The following KIF11 variants were observed in gnomAD, a reference collection of about 807,000 sequenced individuals.
The protein encoded by KIF11 is kinesin-like protein KIF11.
Under a neutral mutation model 121.0 loss-of-function variants are expected in KIF11, and 9 were observed. That is an observed-to-expected ratio of 0.07 (90% CI 0.04 to 0.13). The LOEUF (loss-of-function observed/expected upper bound fraction) is 0.13. Among genes scored for constraint, KIF11 ranks in the 10% least tolerant of loss-of-function variants. The probability of loss-of-function intolerance (pLI) is 1.00; values close to 1 mark genes in which losing one functional copy is unlikely to be tolerated. For missense variants in KIF11, 846 were observed against 1,217.5 expected, an observed-to-expected ratio of 0.69 and a Z score of 4.54; for synonymous variants, 408 against 421.0, an observed-to-expected ratio of 0.97 and a Z score of 0.38.
chr10:92,600,690 A>G (rs1445810989), intron 1 of KIF11, among the ~76,000 whole-genome samples: 2 of 151,690 alleles, frequency 1.3e-5, no homozygotes, highest in Admixed American at 1.3e-4. Context: ...TAGTTTTAGT[A>G]GAGACAGGGT....
At position 92,639,918 on chromosome 10, in the gene KIF11, T is replaced by C. The variant is rs767376869; in HGVS notation, c.2267+18T>C. ...ATACAGCAGTAAGCTATTTTTAAAT[T>C]CTCTTAAACTTTTCTGTAAGTCTGA... is the stretch of plus-strand genomic sequence containing the variant. On this transcript the variant is annotated intron_variant, in intron 17 of 21. Transcript: ENST00000260731. The C allele has an allele frequency of 1.5e-6, 2 of 1,309,558 alleles. No homozygotes were observed. Among genetic ancestry groups the C allele is most frequent in the South Asian group, 2.5e-5 (2 of 79,876 alleles). 81.1% of individuals were successfully genotyped at this position (1,309,558 alleles called of 1,614,324 possible). A position where few individuals can be genotyped will look rare whatever the true frequency, so the allele number is the denominator to read the frequency against.
In KIF11 at chr10:92,653,869, C is replaced by T. The variant is rs756498565; in HGVS notation, c.*73C>T. ...AAACCTGAAACCCCAGAACTTGAGC[C>T]TTGTGTATAGATTTTAAAAGAATAT... is the stretch of plus-strand genomic sequence containing the variant. On this transcript the variant is annotated 3_prime_UTR_variant, in exon 22 of 22. Coordinates refer to ENST00000260731, the MANE Select transcript of KIF11 (RefSeq NM_004523.4). The T allele has an allele frequency of 8.9e-6, 12 of 1,351,856 alleles. No homozygotes were observed. The highest frequency in any genetic ancestry group is 1.2e-5 in the Non-Finnish European group (12 of 972,598). The allele number at this position is 1,351,856 out of a possible 1,614,324, so 83.7% of individuals were successfully genotyped here.
rs151285153 is a variant in KIF11, at chr10:92,613,681, A to G, written c.1032+62A>G. The G allele has an allele frequency of 1.7e-3, 2,498 of 1,487,098 alleles. 4 individuals are homozygous for G. Among genetic ancestry groups the G allele is most frequent in the Non-Finnish European group, 2.1e-3 (2,343 of 1,102,304 alleles). The allele number at this position is 1,487,098 out of a possible 1,614,324, so 92.1% of individuals were successfully genotyped here. Reference sequence around the variant, plus strand: ...TGTAATTCTTATTTGGCTATTATATATTTTAAAAGTTCATTTACTAGGATG... The same window carrying G: ...TGTAATTCTTATTTGGCTATTATATGTTTTAAAAGTTCATTTACTAGGATG... On this transcript the variant is annotated intron_variant, in intron 8 of 21. Coordinates refer to ENST00000260731, the MANE Select transcript of KIF11 (RefSeq NM_004523.4). This position sits in a 1 kb window ranked among gnomAD's most constrained non-coding sequence, Gnocchi z 4.2.
At position 92,632,649 on chromosome 10, in the gene KIF11, G is replaced by C; in HGVS notation, c.1658G>C (p.Ser553Thr). ...NNMEELIKDGSSKQKAMLEVH... is the reference protein window; with the variant it reads ...NNMEELIKDGTSKQKAMLEVH... ...ATGGAAGAATTAATTAAGGATGGCA[G>C]CTCAAAGCAAAAGGCCATGCTAGAA... The change falls in exon 13 of 22, where the codon AGC becomes ACC. Residue 553 changes from serine to threonine, a missense_variant. This residue lies in a region of KIF11 where 492 missense variants were observed against 603.4 expected (regional missense o/e 0.82). Coordinates refer to ENST00000260731, the MANE Select transcript of KIF11 (RefSeq NM_004523.4). 1 of 1,612,894 alleles carries C rather than the reference G, an allele frequency of 6.2e-7. No homozygotes were observed. Among genetic ancestry groups the C allele is most frequent in the Non-Finnish European group, 8.5e-7 (1 of 1,179,504 alleles).
At chr10:92,652,713 T>C (rs1022694319) in intron 21 of KIF11, among the ~76,000 whole-genome samples, 2 of 152,374 alleles carry the variant, frequency 1.3e-5, no homozygotes, top group Non-Finnish European at 2.9e-5. Context: ...GACTACTTAA[T>C]CCCTGGTCAG....
chr10:92,653,770 C>T lies in KIF11; in HGVS notation c.3145C>T (p.Pro1049Ser). The T allele has an allele frequency of 1.2e-6, 2 of 1,613,856 alleles. No homozygotes were observed. The highest frequency in any genetic ancestry group is 1.3e-5 in the African/African-American group (1 of 75,026). ...TEHLVTKSRL[P>S]LRAQINL ...GCACTTGGTTACAAAGAGCAGATTA[C>T]CTCTGCGAGCCCAGATCAACCTTTA... Residue 1049 changes from proline to serine, a missense_variant, in exon 22 of 22, where the codon CCT becomes TCT. Pro to Ser is a moderately conservative substitution (Grantham distance 74, BLOSUM62 -1). This residue lies in a region of KIF11 where 492 missense variants were observed against 603.4 expected (regional missense o/e 0.82). Coordinates refer to ENST00000260731, the MANE Select transcript of KIF11 (RefSeq NM_004523.4).
chr10:92,598,870 C>T (rs1316484107), intron 1 of KIF11, among the ~76,000 whole-genome samples: 8 of 152,088 alleles, frequency 5.3e-5, no homozygotes, highest in Admixed American at 6.6e-5. Context: ...CTCCACCTCC[C>T]GAGTTCAAGT....
Position 92,630,062 on chromosome 10 carries a change from C to G in KIF11, c.1306-114C>G, listed in dbSNP as rs1293998116. On this transcript the variant is annotated intron_variant, in intron 11 of 21. Transcript: ENST00000260731. ...GGATGACATATTTGTGTTAACCTAC[C>G]GGGTAACTTCTTACAACTTTTGCAT... 4.5e-5 allele frequency: 26 copies of G among 580,122 alleles called. No homozygotes were observed. In the Admixed American group the frequency reaches 9.5e-4, roughly 21 times the overall value. 35.9% of individuals were successfully genotyped at this position (580,122 alleles called of 1,614,324 possible).
intron 11 of KIF11, 41 bp downstream of exon 11, chr10:92,628,936 A>G: frequency 9.3e-7 from 1 of 1,073,908 alleles, no homozygotes; most frequent in South Asian, 1.4e-5. Context: ...GTGAAAAGCA[A>G]ATATTGAAAG....
In KIF11 at chr10:92,649,941, AATG is replaced by A. The variant is rs759907551; in HGVS notation, c.2881_2883del (p.Met961del). 62 of 1,613,378 alleles carry A rather than the reference AATG, an allele frequency of 3.8e-5. No individual in the cohort carries two copies. The highest frequency in any genetic ancestry group is 4.7e-5 in the Non-Finnish European group (55 of 1,179,460). On this transcript the variant is annotated inframe_deletion, in exon 20 of 22. Coordinates refer to ENST00000260731, the MANE Select transcript of KIF11 (RefSeq NM_004523.4). ...TGAAAAGGAAACAGCCTGAGCTGTT[AATG>A]ATGCTAAACTGTTCAGAAAACAACA...
intron 4 of KIF11, among the ~76,000 whole-genome samples, 179 bp downstream of exon 4, chr10:92,607,416 A>T (rs1844441850): frequency 6.6e-6 from 1 of 152,214 alleles, no homozygotes; most frequent in Non-Finnish European, 1.5e-5. Flanking sequence ...TTTAAGAAAC[A>T]GCCTCAATGG....
chr10:92,650,411 T>C lies in KIF11; in HGVS notation c.2933T>C (p.Val978Ala). The change falls in exon 21 of 22, where the codon GTA (valine) becomes GCA (alanine). Residue 978 changes from valine (V) to alanine (A), a missense_variant. Physicochemically the swap from Val to Ala is moderately conservative, Grantham distance 64. This residue lies in a region of KIF11 where 492 missense variants were observed against 603.4 expected (regional missense o/e 0.82). Transcript: ENST00000260731. ...AGTTTCTTCTTTTAGGATGTGGATG[T>C]AGAAGAGGCAGTTCTGGGGCAGTAT... is the stretch of plus-strand genomic sequence containing the variant. ...NKEETIPDVD[V>A]EEAVLGQYTE... The C allele has an allele frequency of 1.2e-6, 2 of 1,602,686 alleles. No individual in the cohort carries two copies. Among genetic ancestry groups the C allele is most frequent in the South Asian group, 2.2e-5 (2 of 90,888 alleles).
In KIF11 at chr10:92,654,924, G is replaced by T. The variant is rs1010792608; in HGVS notation, c.*1128G>T. ...GCTCACAATGATTTAAGGACTGTTT[G>T]AAACTTCCAATTATGTCTATAATTT... On this transcript the variant is annotated 3_prime_UTR_variant, in exon 22 of 22. Transcript: ENST00000260731. The T allele has an allele frequency of 2.0e-5, 3 of 152,540 alleles. No homozygotes were observed. The highest frequency in any genetic ancestry group is 7.2e-5 in the African/African-American group (3 of 41,422). The allele number at this position is 152,540 out of a possible 1,614,324, so 9.4% of individuals were successfully genotyped here. A position where few individuals can be genotyped will look rare whatever the true frequency, so the allele number is the denominator to read the frequency against.
In KIF11 at chr10:92,637,384, A is replaced by T; in HGVS notation, c.2002-3A>T. ...AAGGAAACTCATTTTTGTTTCTTCA[A>T]AGATAGAAGATCAAAAAAAGGAACT... On this transcript the variant is annotated splice_polypyrimidine_tract_variant and splice_region_variant and intron_variant, in intron 15 of 21. Transcript: ENST00000260731. The T allele has an allele frequency of 6.3e-7, 1 of 1,578,740 alleles. No homozygotes were observed. The highest frequency in any genetic ancestry group is 8.5e-7 in the Non-Finnish European group (1 of 1,171,636).
chr10:92,601,624 AGTTT>A (rs1844373807), intron 1 of KIF11, among the ~76,000 whole-genome samples: 1 of 52,432 alleles, frequency 1.9e-5, no homozygotes, highest in African/African-American at 5.4e-5. Flanking sequence ...TTTATTTGTT[AGTTT>A]GTTTGAGATC....
intron 1 of KIF11, among the ~76,000 whole-genome samples, chr10:92,600,819 T>C (rs1455692954): frequency 6.6e-6 from 1 of 152,000 alleles, no homozygotes; most frequent in Non-Finnish European, 1.5e-5. Context: ...ATATAAAAGA[T>C]CATATAATCT....
In KIF11 at chr10:92,616,826, T is replaced by C. The variant is rs141495686; in HGVS notation, c.1122T>C (p.Leu374=). The C allele has an allele frequency of 2.2e-5, 35 of 1,562,970 alleles. No homozygotes were observed. The highest frequency in any genetic ancestry group is 3.1e-5 in the Non-Finnish European group (35 of 1,141,978). ...EVNQKLTKKA[L]IKEYTEEIER... ...ATCAGAAACTCACCAAAAAAGCTCT[T>C]ATTAAGGTAACTGTGAATTTTTGTA... The change falls in exon 9 of 22, where the codon CTT becomes CTC. Residue 374 remains leucine (L), a synonymous_variant. Transcript: ENST00000260731.
chr10:92,647,684 G>C (rs1416696253), intron 18 of KIF11, among the ~76,000 whole-genome samples: 1 of 152,168 alleles, frequency 6.6e-6, no homozygotes, highest in Non-Finnish European at 1.5e-5. Context: ...AAATAATCCT[G>C]GGTTTATGGA....
intron 1 of KIF11, among the ~76,000 whole-genome samples, chr10:92,604,859 C>A: frequency 1.3e-5 from 2 of 151,978 alleles, no homozygotes; most frequent in Non-Finnish European, 2.9e-5. Flanking sequence ...TATTAGTTTT[C>A]CCATAATTCC....
Sources: gnomAD v4.1 joint callset for allele counts (sites outside exome capture counted in the v4.1 genomes callset) on GRCh38, gnomAD v4.1.1 for gene constraint, gnomAD v4.1.1 regional missense constraint, Gnocchi (gnomAD v3.1) non-coding constraint, MANE v1.5 for transcripts, NCBI Gene and HGNC (gene_info 2026-07-23, HGNC 2026-07-21) for gene names.